The following SLIT3 variants were observed in gnomAD, a reference collection of about 807,000 sequenced individuals.
The protein encoded by SLIT3 is slit homolog 3 protein.
Under a neutral mutation model 184.0 loss-of-function variants are expected in SLIT3, and 68 were observed. That is an observed-to-expected ratio of 0.37 (90% CI 0.30 to 0.45). The LOEUF is 0.45. Ranked by LOEUF, SLIT3 falls within the 20% of genes least tolerant of loss-of-function variation. SLIT3 has a pLI of 1.00. For missense variants in SLIT3, 1,707 were observed against 2,026.0 expected (o/e 0.84, Z 3.02); for synonymous variants, 831 against 828.6 (o/e 1.00, Z -0.05).
chr5:168,823,503 G>A (rs943334452), intron 6 of SLIT3, among the ~76,000 whole-genome samples, 172 bp from the exon 7 acceptor site: 1 of 152,144 alleles, frequency 6.6e-6, no homozygotes, highest in Non-Finnish European at 1.5e-5. Flanking sequence ...GACGAGAAGA[G>A]CATGCCCTGA....
chr5:168,957,472 C>G (rs1469453506), intron 4 of SLIT3, among the ~76,000 whole-genome samples: 1 of 152,142 alleles, frequency 6.6e-6, no homozygotes, highest in Non-Finnish European at 1.5e-5. Flanking sequence ...ACATACATCC[C>G]CCAGGGGATC....
At chr5:168,764,622 T>C (rs990641418) in intron 14 of SLIT3, among the ~76,000 whole-genome samples, 2 of 152,208 alleles carry the variant, frequency 1.3e-5, no homozygotes, top group Non-Finnish European at 2.9e-5. Flanking sequence ...TGGTAATTCC[T>C]GATCGAGAAT....
At chr5:168,884,549 G>GACATATATATATATATATATATAT (rs1260481453) in intron 4 of SLIT3, among the ~76,000 whole-genome samples, 1 of 41,138 alleles carries the variant, frequency 2.4e-5, no homozygotes, top group African/African-American at 1.1e-4. Flanking sequence ...CCAATTACGA[G>GACATATATATATATATATATATAT]ATATATATAT....
chr5:169,065,715 C>T (rs1758330307), intron 4 of SLIT3, among the ~76,000 whole-genome samples: 1 of 152,200 alleles, frequency 6.6e-6, no homozygotes, highest in East Asian at 1.9e-4. Context: ...TCTGCAAATC[C>T]TCCCGGATAG....
At chr5:168,897,648 A>ACGCGCG (rs1561994278) in intron 4 of SLIT3, among the ~76,000 whole-genome samples, 3 of 47,658 alleles carry the variant, frequency 6.3e-5, no homozygotes, top group Non-Finnish European at 5.4e-5. Flanking sequence ...AGGTGCACGT[A>ACGCGCG]CACACACACA....
chr5:169,079,255 A>C (rs1758868086), intron 4 of SLIT3, among the ~76,000 whole-genome samples: 1 of 152,132 alleles, frequency 6.6e-6, no homozygotes, highest in Non-Finnish European at 1.5e-5. Context: ...AACCCACAGA[A>C]TCAAAGGGAT....
At chr5:168,795,380 G>T in intron 10 of SLIT3, 127 bp downstream of exon 10, 2 of 738,018 alleles carry the variant, frequency 2.7e-6, no homozygotes, top group African/African-American at 1.7e-5. Context: ...AGCGTTCCAG[G>T]TCTGAAACAG....
chr5:169,077,806 A>C (rs6887116), intron 4 of SLIT3, among the ~76,000 whole-genome samples: 55,147 of 150,910 alleles, frequency 0.37, 10,799 homozygotes, highest in South Asian at 0.55. Flanking sequence ...ACATTTTCCA[A>C]AATTTCCAGA....
intron 4 of SLIT3, among the ~76,000 whole-genome samples, chr5:168,979,885 G>A (rs1754892347): frequency 6.6e-6 from 1 of 152,296 alleles, no homozygotes; most frequent in Admixed American, 6.5e-5. Context: ...TGAAAGGGAG[G>A]TGCATGTAGT....
At chr5:169,280,537 G>A (rs1036742992) in intron 1 of SLIT3, among the ~76,000 whole-genome samples, 4 of 152,158 alleles carry the variant, frequency 2.6e-5, no homozygotes, top group East Asian at 1.9e-4. Context: ...CCCAAAGAGT[G>A]GCAGAGACGC....
rs371377184 is a variant in SLIT3, at chr5:168,883,318, C to T, written c.432G>A (p.Gln144=). 84 of 1,613,828 alleles carry T rather than the reference C, an allele frequency of 5.2e-5. No individual in the cohort carries two copies. The highest frequency in any genetic ancestry group is 6.9e-5 in the Non-Finnish European group (81 of 1,179,838). The change falls in exon 5 of 36, where the codon CAG becomes CAA. Residue 144 remains glutamine (Q), a synonymous_variant. Coordinates refer to ENST00000519560, the MANE Select transcript of SLIT3 (RefSeq NM_003062.4). ...ACGCCTTCCTCGGGATCCCCTGGAT[C>T]TGGTTTTCACTCAAATCTCTAAACA... ...KLTRLDLSEN[Q]IQGIPRKAFR...
At chr5:169,050,691 CT>C (rs72350956) in intron 4 of SLIT3, among the ~76,000 whole-genome samples, 312 of 145,638 alleles carry the variant, frequency 2.1e-3, no homozygotes, top group Middle Eastern at 3.6e-3. Context: ...TATAATAGCA[CT>C]TTTTTTTTTT....
At chr5:169,220,955 A>G (rs915208695) in intron 3 of SLIT3, among the ~76,000 whole-genome samples, 1 of 152,052 alleles carries the variant, frequency 6.6e-6, no homozygotes, top group Middle Eastern at 3.2e-3. Context: ...CTTGGCTCCC[A>G]TTTCCAGCTC....
At chr5:169,185,649 T>C (rs1424814610) in intron 4 of SLIT3, among the ~76,000 whole-genome samples, 1 of 152,196 alleles carries the variant, frequency 6.6e-6, no homozygotes, top group East Asian at 1.9e-4. Context: ...TAAAGTTTAG[T>C]GCCGAATTGG....
chr5:169,225,660 A>G (rs1222153195), intron 3 of SLIT3, among the ~76,000 whole-genome samples: 1 of 152,190 alleles, frequency 6.6e-6, no homozygotes, highest in Non-Finnish European at 1.5e-5. Flanking sequence ...TCCCGGAGGA[A>G]GTGACTGTTT....
chr5:169,268,276 C>G lies in SLIT3; in HGVS notation c.198-16817G>C, dbSNP rs1358901616. ...CTAACACCATGCACCAGAGAGTTAG[C>G]TTCATTGCTCATTTCACACATGGAG... is the stretch of plus-strand genomic sequence containing the variant. On this transcript the variant is annotated intron_variant, in intron 1 of 35. Transcript: ENST00000519560. 5.3e-5 allele frequency among the ~76,000 whole-genome samples: 8 copies of G among 152,176 alleles called. 1 individual carries two copies. The highest frequency in any genetic ancestry group is 5.2e-4 in the Admixed American group (8 of 15,278).
chr5:168,707,563 G>C (rs1429796282), intron 26 of SLIT3: 3 of 168,900 alleles, frequency 1.8e-5, no homozygotes, highest in Non-Finnish European at 3.8e-5. Context: ...TTCAAGGCTG[G>C]TTGCTCTGAG....
chr5:169,067,214 A>C (rs892779546), intron 4 of SLIT3, among the ~76,000 whole-genome samples: 20 of 152,106 alleles, frequency 1.3e-4, no homozygotes, highest in African/African-American at 4.8e-4. Flanking sequence ...GTTTGGGACC[A>C]GCCTGGCTAA....
At chr5:169,128,910 T>C (rs1044909828) in intron 4 of SLIT3, among the ~76,000 whole-genome samples, 1 of 152,112 alleles carries the variant, frequency 6.6e-6, no homozygotes, top group Non-Finnish European at 1.5e-5. Context: ...AAAAGGCGGC[T>C]TGTATTTGGA....
Sources: gnomAD v4.1 joint callset for allele counts (sites outside exome capture counted in the v4.1 genomes callset) on GRCh38, gnomAD v4.1.1 for gene constraint, MANE v1.5 for transcripts, NCBI Gene and HGNC (gene_info 2026-07-23, HGNC 2026-07-21) for gene names.